SPATS2: variants seen among roughly 807,000 people sequenced by gnomAD.
SPATS2 encodes the protein spermatogenesis associated serine rich 2.
SPATS2 carries 38 observed loss-of-function variants against 63.7 expected under a neutral mutation model. The observed-to-expected ratio is 0.60, with a 90% CI of 0.46 to 0.78. The LOEUF is 0.78. SPATS2 is among the 30% of genes least tolerant of loss of function. The pLI is 0.00. For synonymous variants in SPATS2, 207 were observed against 232.9 expected, an observed-to-expected ratio of 0.89 and a Z score of 1.01; for missense variants, 588 against 666.2, an observed-to-expected ratio of 0.88 and a Z score of 1.29.
intron 3 of SPATS2, among the ~76,000 whole-genome samples, chr12:49,472,250 A>G (rs1157936430): frequency 6.6e-6 from 1 of 152,154 alleles, no homozygotes; most frequent in African/African-American, 2.4e-5. Flanking sequence ...AATTAGCTAC[A>G]TATGGCTATT....
chr12:49,380,895 TTC>T (rs1944207325), intron 2 of SPATS2, among the ~76,000 whole-genome samples: 1 of 151,778 alleles, frequency 6.6e-6, no homozygotes. Flanking sequence ...TTTTTTTTTT[TTC>T]CTCAAAAGCT....
chr12:49,411,386 T>C (rs1010669407), intron 2 of SPATS2, among the ~76,000 whole-genome samples: 3 of 152,072 alleles, frequency 2.0e-5, no homozygotes, highest in Non-Finnish European at 2.9e-5. Context: ...ATATGCATGT[T>C]TTACTGAGAC....
rs898665625 is a variant in SPATS2, at chr12:49,518,984, C to T, written c.899-89C>T. On this transcript the variant is annotated intron_variant, in intron 10 of 13. Coordinates refer to ENST00000552918, the MANE Select transcript of SPATS2 (RefSeq NM_023071.4). ...GATAGGCAGCTAAGCCTTTGGCTGA[C>T]CAAATACCTACTGCAAGGCTTATAT... 3.3e-5 allele frequency: 34 copies of T among 1,044,576 alleles called. No homozygotes were observed. The South Asian group carries it at 4.5e-4, about 14-fold the overall frequency. The allele number at this position is 1,044,576 out of a possible 1,614,324, so 64.7% of individuals were successfully genotyped here.
intron 3 of SPATS2, among the ~76,000 whole-genome samples, chr12:49,473,341 A>G (rs1946069989): frequency 6.6e-6 from 1 of 152,142 alleles, no homozygotes; most frequent in African/African-American, 2.4e-5. Context: ...ACTTGAGCCC[A>G]AGAGGTGGAG....
At chr12:49,496,712 T>C (rs1270734120) in intron 7 of SPATS2, 121 bp from the exon 8 acceptor site, 1 of 948,004 alleles carries the variant, frequency 1.1e-6, no homozygotes, top group South Asian at 1.6e-5. Flanking sequence ...TGATTTTGTT[T>C]ACAGTCTTTT....
intron 2 of SPATS2, among the ~76,000 whole-genome samples, chr12:49,398,514 A>C (rs780929382): frequency 6.6e-6 from 1 of 152,176 alleles, no homozygotes; most frequent in Admixed American, 6.6e-5. Context: ...TGAAGATGGG[A>C]GAATAAAGGG....
intron 9 of SPATS2, among the ~76,000 whole-genome samples, chr12:49,505,419 C>T (rs949035466): frequency 4.6e-5 from 7 of 151,842 alleles, no homozygotes; most frequent in Non-Finnish European, 1.0e-4. Flanking sequence ...GTTGAGTATC[C>T]CTTATCTGAA....
intron 2 of SPATS2, among the ~76,000 whole-genome samples, chr12:49,401,535 A>G (rs999787196): frequency 4.6e-5 from 7 of 152,172 alleles, no homozygotes; most frequent in African/African-American, 1.7e-4. Flanking sequence ...TTTTGAAGCA[A>G]TCCCAAACAT....
intron 9 of SPATS2, among the ~76,000 whole-genome samples, chr12:49,505,201 C>CA (rs1460560408): frequency 6.6e-6 from 1 of 152,000 alleles, no homozygotes; most frequent in African/African-American, 2.4e-5. Context: ...ATATTATCTC[C>CA]AAAAATATCT....
At chr12:49,412,203 TTTTA>T (rs1375936202) in intron 2 of SPATS2, among the ~76,000 whole-genome samples, 2 of 152,112 alleles carry the variant, frequency 1.3e-5, no homozygotes, top group African/African-American at 4.8e-5. Flanking sequence ...ATTTATTTTA[TTTTA>T]TTTTTGAGAT....
At chr12:49,406,558 G>T in intron 2 of SPATS2, 1 of 152,428 alleles carries the variant, frequency 6.6e-6, no homozygotes, top group South Asian at 2.0e-4. Flanking sequence ...AAAGTGCTGG[G>T]ATTACAGGTG....
chr12:49,409,622 GAT>G (rs1204937103), intron 2 of SPATS2, among the ~76,000 whole-genome samples: 1 of 93,302 alleles, frequency 1.1e-5, no homozygotes, highest in African/African-American at 4.3e-5. Context: ...TTTTTTTTCA[GAT>G]GGAGTCTTCC....
At chr12:49,392,125 T>A (rs1345145241) in intron 2 of SPATS2, among the ~76,000 whole-genome samples, 2 of 152,196 alleles carry the variant, frequency 1.3e-5, no homozygotes, top group African/African-American at 4.8e-5. Flanking sequence ...TGTAAAAGAT[T>A]ACTTGACAGA....
intron 2 of SPATS2, among the ~76,000 whole-genome samples, chr12:49,409,683 A>G (rs1416130519): frequency 7.0e-6 from 1 of 143,724 alleles, no homozygotes; most frequent in Non-Finnish European, 1.5e-5. Flanking sequence ...GCTAACTGCA[A>G]TCTCCGCCTC....
intron 2 of SPATS2, among the ~76,000 whole-genome samples, chr12:49,372,933 T>G: frequency 6.9e-6 from 1 of 144,440 alleles, no homozygotes; most frequent in South Asian, 2.2e-4. Flanking sequence ...TCATTTGATT[T>G]TCTGTTTTGT....
intron 1 of SPATS2, among the ~76,000 whole-genome samples, chr12:49,368,535 G>T (rs1788319466): frequency 6.6e-6 from 1 of 152,266 alleles, no homozygotes; most frequent in South Asian, 2.1e-4. Flanking sequence ...TGTTAGAATT[G>T]CAATTTCTCA....
At chr12:49,410,941 TAGA>T (rs1944787701) in intron 2 of SPATS2, among the ~76,000 whole-genome samples, 2 of 151,860 alleles carry the variant, frequency 1.3e-5, no homozygotes, top group South Asian at 2.1e-4. Context: ...TTTAGTTTTA[TAGA>T]AGAAGTTTTG....
intron 2 of SPATS2, chr12:49,454,426 C>T (rs1453211324): frequency 1.3e-5 from 2 of 152,238 alleles, no homozygotes; most frequent in Non-Finnish European, 2.9e-5. Flanking sequence ...ATACATTCAA[C>T]TAATGTGGGC....
chr12:49,395,012 G>T (rs1175805671), intron 2 of SPATS2, among the ~76,000 whole-genome samples: 2 of 152,062 alleles, frequency 1.3e-5, no homozygotes, highest in East Asian at 3.9e-4. Flanking sequence ...GGCGGAGGTT[G>T]CAGTGAGCCG....
Sources: gnomAD v4.1 joint callset for allele counts (sites outside exome capture counted in the v4.1 genomes callset) on GRCh38, gnomAD v4.1.1 for gene constraint, MANE v1.5 for transcripts, NCBI Gene and HGNC (gene_info 2026-07-23, HGNC 2026-07-21) for gene names.